TASP1: variants seen among roughly 807,000 people sequenced by gnomAD.
The protein encoded by TASP1 is taspase 1, also known as threonine aspartase 1.
Under a neutral mutation model 56.6 loss-of-function variants are expected in TASP1, and 16 were observed. That is an observed-to-expected ratio of 0.28 (90% CI 0.19 to 0.43). TASP1 has a LOEUF of 0.43. TASP1 is among the 20% of genes least tolerant of loss of function. TASP1 has a pLI of 1.00. For synonymous variants in TASP1, 179 were observed against 184.2 expected (o/e 0.97, Z 0.23); for missense variants, 393 against 511.6 (o/e 0.77, Z 2.24).
At chr20:13,538,985 T>C (rs1290874805) in intron 8 of TASP1, among the ~76,000 whole-genome samples, 3 of 151,748 alleles carry the variant, frequency 2.0e-5, no homozygotes, top group African/African-American at 4.8e-5. Flanking sequence ...GAGGTGGAGG[T>C]TGCAGTGAGC....
intron 11 of TASP1, among the ~76,000 whole-genome samples, chr20:13,460,685 C>T (rs574237399): frequency 2.2e-4 from 33 of 152,208 alleles, no homozygotes; most frequent in African/African-American, 7.9e-4. Flanking sequence ...CTCAAGTCAT[C>T]GTGACTCTTC....
At chr20:13,235,956 A>G in the TASP1 span, among the ~76,000 whole-genome samples, 1 of 147,352 alleles carries the variant, frequency 6.8e-6, no homozygotes, top group African/African-American at 2.6e-5. Context: ...ATGGAGTCTC[A>G]TTGTGTCACC....
rs193204764 is a variant in TASP1, at chr20:13,557,419, T to C, written c.675+1589A>G. Among the ~76,000 whole-genome samples, 6 of 152,174 alleles carry C rather than the reference T, an allele frequency of 3.9e-5. No individual in the cohort carries two copies. The East Asian group carries it at 1.2e-3, about 29-fold the overall frequency. On this transcript the variant is annotated intron_variant, in intron 8 of 13. Coordinates refer to ENST00000337743, the MANE Select transcript of TASP1 (RefSeq NM_017714.3). ...TTTACTGTAATAAAAATCAGGACAG[T>C]GGCTGCCTTTAAGTTGGAGACTAAC...
chr20:13,126,510 A>G, the TASP1 span: 1 of 1,523,774 alleles, frequency 6.6e-7, no homozygotes, highest in Non-Finnish European at 8.9e-7. Flanking sequence ...CTATGAGGAT[A>G]GGGATGGGAC....
At chr20:13,350,609 TATC>T in the TASP1 span, among the ~76,000 whole-genome samples, 5 of 152,150 alleles carry the variant, frequency 3.3e-5, no homozygotes, top group African/African-American at 7.2e-5. Context: ...TCTGACAACT[TATC>T]ATCATAATAT....
At chr20:13,428,820 A>C (rs1600760695) in intron 12 of TASP1, among the ~76,000 whole-genome samples, 1 of 152,332 alleles carries the variant, frequency 6.6e-6, no homozygotes, top group South Asian at 2.1e-4. Context: ...GAGCATGAGA[A>C]TATTTTCTGT....
the TASP1 span, among the ~76,000 whole-genome samples, chr20:13,140,902 A>G: frequency 6.6e-6 from 1 of 152,202 alleles, no homozygotes; most frequent in Non-Finnish European, 1.5e-5. Context: ...GTGAAATTTT[A>G]TCATGAGATT....
At chr20:13,603,865 A>G (rs1446608660) in intron 4 of TASP1, among the ~76,000 whole-genome samples, 1 of 152,190 alleles carries the variant, frequency 6.6e-6, no homozygotes, top group Non-Finnish European at 1.5e-5. Flanking sequence ...CAATTTTAAT[A>G]AGAATCTTGC....
At chr20:13,505,203 T>C (rs574286270) in intron 10 of TASP1, among the ~76,000 whole-genome samples, 19 of 152,240 alleles carry the variant, frequency 1.2e-4, no homozygotes, top group African/African-American at 4.3e-4. Context: ...GATAAAGTGA[T>C]TAATTCACCA....
Position 13,572,772 on chromosome 20 carries a change from C to T in TASP1, c.489-3186G>A, listed in dbSNP as rs548947396. On this transcript the variant is annotated intron_variant, in intron 6 of 13. Coordinates refer to ENST00000337743, the MANE Select transcript of TASP1 (RefSeq NM_017714.3). ...CTGAAACGGACTATCTGGGCAAATA[C>T]GGTGATAGGAATTACAATCTCATGG... Among the ~76,000 whole-genome samples the T allele has an allele frequency of 6.6e-5, 10 of 150,516 alleles. 1 individual carries two copies. The highest frequency in any genetic ancestry group is 1.2e-4 in the Non-Finnish European group (8 of 67,788).
At chr20:13,466,472 C>A (rs531631601) in intron 11 of TASP1, among the ~76,000 whole-genome samples, 1 of 152,210 alleles carries the variant, frequency 6.6e-6, no homozygotes, top group South Asian at 2.1e-4. Flanking sequence ...TCTGGCTGGG[C>A]GTGGTGGCTT....
At chr20:13,464,852 T>C (rs2044187996) in intron 11 of TASP1, among the ~76,000 whole-genome samples, 1 of 151,966 alleles carries the variant, frequency 6.6e-6, no homozygotes, top group African/African-American at 2.4e-5. Context: ...TGCTTAACCC[T>C]ACAGAACTGT....
At chr20:13,275,633 T>C in the TASP1 span, among the ~76,000 whole-genome samples, 1 of 152,218 alleles carries the variant, frequency 6.6e-6, no homozygotes, top group Non-Finnish European at 1.5e-5. Context: ...ATACTACATA[T>C]GAGCAGCTAT....
chr20:13,593,506 T>G (rs1342128352), intron 4 of TASP1, among the ~76,000 whole-genome samples: 1 of 152,204 alleles, frequency 6.6e-6, no homozygotes, highest in Non-Finnish European at 1.5e-5. Flanking sequence ...CCAAATACTG[T>G]GCTTTTCCCA....
chr20:13,487,842 C>G (rs949215692), intron 10 of TASP1, among the ~76,000 whole-genome samples: 3 of 152,080 alleles, frequency 2.0e-5, no homozygotes, highest in Non-Finnish European at 4.4e-5. Flanking sequence ...GCTTTGAATG[C>G]TACATGTAAT....
chr20:13,354,712 G>A, the TASP1 span, among the ~76,000 whole-genome samples: 1 of 152,132 alleles, frequency 6.6e-6, no homozygotes, highest in Non-Finnish European at 1.5e-5. Context: ...ATAAGGTGAT[G>A]GTGAAGAAAT....
intron 4 of TASP1, among the ~76,000 whole-genome samples, chr20:13,596,510 T>C (rs1203725555): frequency 6.6e-6 from 1 of 151,980 alleles, no homozygotes; most frequent in Non-Finnish European, 1.5e-5. Flanking sequence ...CATACCAGAA[T>C]CTCTGGGACA....
chr20:13,147,396 C>T, the TASP1 span, among the ~76,000 whole-genome samples: 2 of 152,174 alleles, frequency 1.3e-5, no homozygotes, highest in Admixed American at 1.3e-4. Context: ...CGAGATCTCT[C>T]TGCCCCTGAG....
chr20:13,409,652 G>A (rs555097894), intron 13 of TASP1, among the ~76,000 whole-genome samples: 68 of 151,380 alleles, frequency 4.5e-4, no homozygotes, highest in Middle Eastern at 3.5e-3. Flanking sequence ...CTCAATATCA[G>A]TTATTTTATG....
Sources: allele counts gnomAD v4.1 joint callset (sites outside exome capture counted in the v4.1 genomes callset), GRCh38; gene constraint gnomAD v4.1.1; transcripts MANE v1.5; gene names NCBI Gene and HGNC (gene_info 2026-07-23, HGNC 2026-07-21).